The following LAMA2 variants were observed in gnomAD, a reference collection of about 807,000 sequenced individuals.
LAMA2 encodes the protein laminin subunit alpha-2.
In LAMA2, 269 loss-of-function variants were observed where a neutral mutation model predicts 364.8. The observed-to-expected ratio is 0.74, with a 90% CI of 0.67 to 0.82. The LOEUF (loss-of-function observed/expected upper bound fraction) is 0.82, where lower values mean the gene tolerates loss of function less well. Among genes scored for constraint, LAMA2 ranks in the 40% least tolerant of loss-of-function variants. The probability of loss-of-function intolerance (pLI) is 0.00; values close to 1 mark genes in which losing one functional copy is unlikely to be tolerated. For synonymous variants in LAMA2, 1,379 were observed against 1,370.6 expected (o/e 1.01, Z -0.14); for missense variants, 3,807 against 3,873.2 (o/e 0.98, Z 0.45).
chr6:128,990,101 C>T (rs1783514731), intron 1 of LAMA2, among the ~76,000 whole-genome samples: 1 of 152,098 alleles, frequency 6.6e-6, no homozygotes, highest in Admixed American at 6.5e-5. Flanking sequence ...CTATTAAAAC[C>T]AAACAGAAAA....
intron 40 of LAMA2, among the ~76,000 whole-genome samples, chr6:129,413,791 G>A (rs1269585440): frequency 6.6e-6 from 1 of 152,056 alleles, no homozygotes; most frequent in Non-Finnish European, 1.5e-5. Context: ...TGTACAGTTT[G>A]GAATGCAGAT....
intron 29 of LAMA2, among the ~76,000 whole-genome samples, chr6:129,331,930 T>C (rs1775680375): frequency 6.6e-6 from 1 of 152,174 alleles, no homozygotes; most frequent in Admixed American, 6.5e-5. Context: ...AACCCTTTGC[T>C]CAATTTGCTT....
intron 1 of LAMA2, among the ~76,000 whole-genome samples, chr6:128,971,915 AG>A (rs1485396652): frequency 2.0e-5 from 3 of 152,136 alleles, no homozygotes; most frequent in African/African-American, 7.2e-5. Flanking sequence ...TCATTCAAAG[AG>A]GCAGGTCTCT....
At chr6:129,278,440 T>C (rs1245750231) in intron 17 of LAMA2, among the ~76,000 whole-genome samples, 1 of 152,164 alleles carries the variant, frequency 6.6e-6, no homozygotes, top group Non-Finnish European at 1.5e-5. Flanking sequence ...GCTACAGAGA[T>C]GCAGTTCTCA....
chr6:129,320,456 G>C (rs2114513398), intron 27 of LAMA2, 82 bp from the exon 28 acceptor site: 1 of 843,702 alleles, frequency 1.2e-6, no homozygotes. Flanking sequence ...ACGTGAGAAG[G>C]ATATTGCTGT....
intron 55 of LAMA2, among the ~76,000 whole-genome samples, chr6:129,482,172 G>T (rs1200354251): frequency 6.6e-6 from 1 of 152,102 alleles, no homozygotes; most frequent in Non-Finnish European, 1.5e-5. Flanking sequence ...AATGGGCATG[G>T]TCGTGCACAA....
intron 1 of LAMA2, among the ~76,000 whole-genome samples, chr6:128,900,478 C>T (rs1015683476): frequency 1.3e-5 from 2 of 150,364 alleles, no homozygotes; most frequent in Non-Finnish European, 3.0e-5. Context: ...GGAAGGAACA[C>T]TTACTTCCCA....
intron 12 of LAMA2, among the ~76,000 whole-genome samples, chr6:129,235,530 T>C (rs535878598): frequency 5.9e-5 from 9 of 152,288 alleles, no homozygotes; most frequent in Non-Finnish European, 8.8e-5. Context: ...TGTTTTATGT[T>C]GTGATTGATA....
At chr6:128,921,910 A>G (rs1405012080) in intron 1 of LAMA2, among the ~76,000 whole-genome samples, 1 of 124,916 alleles carries the variant, frequency 8.0e-6, no homozygotes, top group Non-Finnish European at 1.6e-5. Context: ...TCCTGTGTCC[A>G]TGTGTTCTCA....
intron 1 of LAMA2, among the ~76,000 whole-genome samples, chr6:128,889,520 T>A (rs908312240): frequency 1.3e-5 from 2 of 152,140 alleles, no homozygotes; most frequent in African/African-American, 4.8e-5. Context: ...GGTAAAAAAA[T>A]TGGATAGCTT....
chr6:128,925,949 C>G (rs1779066343), intron 1 of LAMA2, among the ~76,000 whole-genome samples: 1 of 152,142 alleles, frequency 6.6e-6, no homozygotes, highest in Non-Finnish European at 1.5e-5. Flanking sequence ...TTATTCTCTT[C>G]TCTGCCACAT....
At chr6:129,477,872 C>G (rs1395590433) in intron 53 of LAMA2, among the ~76,000 whole-genome samples, 3 of 152,142 alleles carry the variant, frequency 2.0e-5, no homozygotes, top group Non-Finnish European at 4.4e-5. Flanking sequence ...CAGCCTTGGC[C>G]TCCTGGGCTC....
intron 41 of LAMA2, among the ~76,000 whole-genome samples, chr6:129,434,928 C>G (rs1702977623): frequency 6.6e-6 from 1 of 151,586 alleles, no homozygotes; most frequent in African/African-American, 2.4e-5. Context: ...TAATAAGGAT[C>G]AGAGTCAAGC....
intron 1 of LAMA2, among the ~76,000 whole-genome samples, chr6:128,949,573 G>A (rs1780684977): frequency 6.6e-6 from 1 of 152,172 alleles, no homozygotes; most frequent in South Asian, 2.1e-4. Context: ...AAGGAGGAGA[G>A]AAGGGAAGGA....
intron 40 of LAMA2, among the ~76,000 whole-genome samples, chr6:129,412,373 T>TA (rs1268432851): frequency 6.6e-6 from 1 of 152,048 alleles, no homozygotes; most frequent in African/African-American, 2.4e-5. Context: ...TAATCACATC[T>TA]AAAAAATACA....
At chr6:129,225,387 G>A (rs1784181988) in intron 12 of LAMA2, among the ~76,000 whole-genome samples, 1 of 152,124 alleles carries the variant, frequency 6.6e-6, no homozygotes, top group South Asian at 2.1e-4. Context: ...TTTTGAGTGT[G>A]TTTGCTCTTG....
intron 16 of LAMA2, among the ~76,000 whole-genome samples, chr6:129,268,742 C>T (rs567547341): frequency 6.6e-6 from 1 of 151,956 alleles, no homozygotes; most frequent in African/African-American, 2.4e-5. Context: ...AATAACAGAG[C>T]GATCTTGAGG....
At chr6:129,396,030 G>A (rs367725387) in intron 37 of LAMA2, among the ~76,000 whole-genome samples, 4 of 152,298 alleles carry the variant, frequency 2.6e-5, no homozygotes, top group African/African-American at 7.2e-5. Flanking sequence ...TATCCTGAGA[G>A]CCATAGGAAG....
intron 1 of LAMA2, among the ~76,000 whole-genome samples, chr6:128,906,543 T>A (rs1203735635): frequency 2.0e-5 from 3 of 147,540 alleles, no homozygotes; most frequent in Non-Finnish European, 4.5e-5. Flanking sequence ...TAGCCCTTTG[T>A]CAGATGAGTA....
Sources: allele counts gnomAD v4.1 joint callset (sites outside exome capture counted in the v4.1 genomes callset), GRCh38; gene constraint gnomAD v4.1.1; transcripts MANE v1.5; gene names NCBI Gene and HGNC (gene_info 2026-07-23, HGNC 2026-07-21).